The following ZNF100 variants were observed in gnomAD, a reference collection of about 807,000 sequenced individuals.
The protein encoded by ZNF100 is zinc finger protein 100.
A neutral mutation model predicts 15.8 loss-of-function variants in ZNF100; 12 were observed. The ratio of observed to expected loss-of-function variants is 0.76; its 90% CI spans 0.49 to 1.23. ZNF100 has a LOEUF of 1.23. ZNF100 is among the 50% of genes most tolerant of loss of function. The probability of loss-of-function intolerance (pLI) is 0.00; values close to 1 mark genes in which losing one functional copy is unlikely to be tolerated. For synonymous variants in ZNF100, 226 were observed against 214.8 expected (o/e 1.05, Z -0.45); for missense variants, 670 against 635.6 (o/e 1.05, Z -0.58).
chr19:21,765,874 A>G (rs1472172570), intron 1 of ZNF100, 88 bp from the exon 2 acceptor site: 35 of 1,338,206 alleles, frequency 2.6e-5, no homozygotes, highest in Non-Finnish European at 3.6e-5. Flanking sequence ...ATCCACAGAT[A>G]GTACTGAAAC....
chr19:21,733,316 TGGAAAA>T (rs767604049), intron 4 of ZNF100, among the ~76,000 whole-genome samples: 1 of 152,068 alleles, frequency 6.6e-6, no homozygotes, highest in African/African-American at 2.4e-5. Flanking sequence ...AATAACAAAT[TGGAAAA>T]TATAACAACA....
intron 4 of ZNF100, among the ~76,000 whole-genome samples, chr19:21,738,237 T>C (rs2036042978): frequency 9.9e-6 from 1 of 101,010 alleles, no homozygotes; most frequent in African/African-American, 4.0e-5. Flanking sequence ...GGCGATAGAG[T>C]GACACTATGT....
Position 21,737,795 on chromosome 19 carries a change from A to T in ZNF100, c.322+6222T>A, listed in dbSNP as rs112085800. ...TGGATTTACAGCTGAATTCTACCAG[A>T]GGTACAAAGAAGAGCTGGCACCATT... On this transcript the variant is annotated intron_variant, in intron 4 of 4. Coordinates refer to ENST00000358296, the MANE Select transcript of ZNF100 (RefSeq NM_173531.4). 2.6e-3 allele frequency among the ~76,000 whole-genome samples: 396 copies of T among 152,322 alleles called. 1 individual carries two copies. Among genetic ancestry groups the T allele is most frequent in the African/African-American group, 8.9e-3 (369 of 41,566 alleles).
Position 21,727,225 on chromosome 19 carries a change from G to A in ZNF100, c.1087C>T (p.His363Tyr). The change falls in exon 5 of 5, where the codon CAT becomes TAT. Residue 363 changes from histidine to tyrosine, a missense_variant. Transcript: ENST00000358296. Reference protein sequence around the residue: ...AFNQSSTLTTHKITHAGEKPY... With the variant: ...AFNQSSTLTTYKITHAGEKPY... Reference sequence around the variant, plus strand: ...TTCTCTCCAGCATGAGTTATCTTATGTGTAGTAAGGGTTGAGGACTGGTTA... The same window carrying A: ...TTCTCTCCAGCATGAGTTATCTTATATGTAGTAAGGGTTGAGGACTGGTTA... The A allele has an allele frequency of 6.2e-7, 1 of 1,613,742 alleles. No individual in the cohort carries two copies. Among genetic ancestry groups the A allele is most frequent in the Non-Finnish European group, 8.5e-7 (1 of 1,179,904 alleles).
chr19:21,758,055 T>G (rs539231550), intron 2 of ZNF100, among the ~76,000 whole-genome samples: 1 of 151,644 alleles, frequency 6.6e-6, no homozygotes, highest in South Asian at 2.1e-4. Context: ...AAGAAAAGAT[T>G]TAATAGAAAC....
At chr19:21,732,617 A>G (rs1371520172) in intron 4 of ZNF100, among the ~76,000 whole-genome samples, 1 of 149,474 alleles carries the variant, frequency 6.7e-6, no homozygotes, top group Non-Finnish European at 1.5e-5. Context: ...ACATAACACA[A>G]TATAAAATAT....
At position 21,725,157 on chromosome 19, in the gene ZNF100, C is replaced by T. The variant is rs2035754439; in HGVS notation, c.*1526G>A. On this transcript the variant is annotated 3_prime_UTR_variant, in exon 5 of 5. Transcript: ENST00000358296. Reference sequence around the variant, plus strand: ...AAAGAGATTACTAGAGATGTTAATCCATTATGTTACCAAATAGTATACTGT... The same window carrying T: ...AAAGAGATTACTAGAGATGTTAATCTATTATGTTACCAAATAGTATACTGT... The T allele has an allele frequency of 6.6e-6, 1 of 152,142 alleles. No homozygotes were observed. Among genetic ancestry groups the T allele is most frequent in the Admixed American group, 6.5e-5 (1 of 15,278 alleles). 9.4% of individuals were successfully genotyped at this position (152,142 alleles called of 1,614,324 possible). A position where few individuals can be genotyped will look rare whatever the true frequency, so the allele number is the denominator to read the frequency against.
intron 2 of ZNF100, chr19:21,751,870 C>G: frequency 1.4e-6 from 1 of 690,128 alleles, no homozygotes; most frequent in East Asian, 2.5e-5. Flanking sequence ...GGTCTTTCAG[C>G]GCTGATCAAC....
At chr19:21,733,682 G>A (rs1407908852) in intron 4 of ZNF100, among the ~76,000 whole-genome samples, 3 of 152,282 alleles carry the variant, frequency 2.0e-5, no homozygotes, top group African/African-American at 7.2e-5. Flanking sequence ...TCCCAGTGAA[G>A]CACACCCCCT....
chr19:21,758,281 A>G (rs1361323808), intron 2 of ZNF100, among the ~76,000 whole-genome samples: 1 of 151,716 alleles, frequency 6.6e-6, no homozygotes, highest in South Asian at 2.1e-4. Context: ...CTGAGAATGG[A>G]GGATGAAAGG....
chr19:21,726,884 C>T lies in ZNF100; in HGVS notation c.1428G>A (p.Lys476=), dbSNP rs748009063. 2 of 1,612,742 alleles carry T rather than the reference C, an allele frequency of 1.2e-6. No individual in the cohort carries two copies. Among genetic ancestry groups the T allele is most frequent in the Non-Finnish European group, 1.7e-6 (2 of 1,179,628 alleles). Residue 476 remains lysine (K), a synonymous_variant, in exon 5 of 5, where the codon AAG becomes AAA. Coordinates refer to ENST00000358296, the MANE Select transcript of ZNF100 (RefSeq NM_173531.4). ...FNRSSQLTAH[K]MIHTGEKPYK... ...AGGGTTTCTCTCCAGTATGAATCAT[C>T]TTATGTGCAGTTAGTTGTGAGGACC...
rs2145681874 is a variant in ZNF100, at chr19:21,727,516, A to G, written c.796T>C (p.Cys266Arg). The G allele has an allele frequency of 6.2e-7, 1 of 1,613,750 alleles. No individual in the cohort carries two copies. The highest frequency in any genetic ancestry group is 8.5e-7 in the Non-Finnish European group (1 of 1,179,834). ...GAGGACCGGTTAAATGCTTTCCCAC[A>G]TTCTTCACATTTGTAGGGTTTCTCT... ...TGEKPYKCEE[C>R]GKAFNRSSHL... Residue 266 changes from cysteine to arginine, a missense_variant, in exon 5 of 5, where the codon TGT becomes CGT. Transcript: ENST00000358296.
In ZNF100 at chr19:21,727,649, A is replaced by C. The variant is rs35587380; in HGVS notation, c.663T>G (p.Thr221=). The change falls in exon 5 of 5, where the codon ACT becomes ACG. Residue 221 remains threonine (T), a synonymous_variant. Transcript: ENST00000358296. ...EKSFCMLLHL[T]QHKRFHITEN... ...CTGTAATATGAAATCTTTTATGTTG[A>C]GTTAGGTGTAAAAGCATGCAAAATG... 0.077 allele frequency: 124,422 copies of C among 1,611,894 alleles called. 5,931 individuals carry two copies. Among genetic ancestry groups the C allele is most frequent in the South Asian group, 0.18 (16,337 of 90,628 alleles).
At chr19:21,736,250 G>A (rs2036007048) in intron 4 of ZNF100, among the ~76,000 whole-genome samples, 1 of 152,058 alleles carries the variant, frequency 6.6e-6, no homozygotes, top group South Asian at 2.1e-4. Context: ...ACTATGCCCA[G>A]CTAATTTTTG....
chr19:21,766,130 CAATT>C (rs1311101228), intron 1 of ZNF100, among the ~76,000 whole-genome samples: 1 of 151,982 alleles, frequency 6.6e-6, no homozygotes, highest in African/African-American at 2.4e-5. Flanking sequence ...TTGTCAAAAA[CAATT>C]AATTAAAATA....
At chr19:21,751,048 C>G in intron 2 of ZNF100, 1 of 1,365,996 alleles carries the variant, frequency 7.3e-7, no homozygotes, top group Non-Finnish European at 1.0e-6. Flanking sequence ...CATCAGCGAC[C>G]ACGAGATGCC....
At chr19:21,732,520 CAG>C (rs1013896999) in intron 4 of ZNF100, among the ~76,000 whole-genome samples, 13 of 151,864 alleles carry the variant, frequency 8.6e-5, no homozygotes, top group African/African-American at 2.9e-4. Flanking sequence ...TTAAATTGTA[CAG>C]AGTTAAACAC....
In ZNF100 at chr19:21,723,181, G is replaced by A. The variant is rs887646303; in HGVS notation, c.*3502C>T. ...AGCCTGGCCAACATGGTGAAACTTC[G>A]TCTCTACAAAAAATTAAAAAAAAAA... is the stretch of plus-strand genomic sequence containing the variant. On this transcript the variant is annotated 3_prime_UTR_variant, in exon 5 of 5. Transcript: ENST00000358296. The A allele has an allele frequency of 6.6e-6, 1 of 150,376 alleles. No homozygotes were observed. Among genetic ancestry groups the A allele is most frequent in the African/African-American group, 2.5e-5 (1 of 40,792 alleles). 9.3% of individuals were successfully genotyped at this position (150,376 alleles called of 1,614,324 possible). A position where few individuals can be genotyped will look rare whatever the true frequency, so the allele number is the denominator to read the frequency against.
In ZNF100 at chr19:21,727,467, ATTATC is replaced by A; in HGVS notation, c.840_844del (p.Lys280AsnfsTer11). The A allele has an allele frequency of 1.2e-6, 2 of 1,612,750 alleles. No individual in the cohort carries two copies. The highest frequency in any genetic ancestry group is 1.1e-5 in the South Asian group (1 of 91,042). On this transcript the variant is annotated frameshift_variant, in exon 5 of 5. Transcript: ENST00000358296. LOFTEE classifies it low-confidence loss of function (END_TRUNC). ...TCTGTATGGTTTCTCTCCAGTATGA[ATTATC>A]TTATGTGTAGTAAGGTGTGAGGACC...
Sources: allele counts gnomAD v4.1 joint callset (sites outside exome capture counted in the v4.1 genomes callset), GRCh38; gene constraint gnomAD v4.1.1; transcripts MANE v1.5; gene names NCBI Gene and HGNC (gene_info 2026-07-23, HGNC 2026-07-21).